The following USP47 variants were observed in gnomAD, a reference collection of about 807,000 sequenced individuals.
The protein encoded by USP47 is ubiquitin carboxyl-terminal hydrolase 47.
In USP47, 35 loss-of-function variants were observed where a neutral mutation model predicts 165.1. The observed-to-expected ratio is 0.21, with a 90% CI of 0.16 to 0.28. The LOEUF (loss-of-function observed/expected upper bound fraction) is 0.28. Ranked by LOEUF, USP47 falls within the 10% of genes least tolerant of loss-of-function variation. The pLI is 1.00. For synonymous variants in USP47, 531 were observed against 544.5 expected, an observed-to-expected ratio of 0.98 and a Z score of 0.35; for missense variants, 1,277 against 1,607.4, an observed-to-expected ratio of 0.79 and a Z score of 3.52.
chr11:11,954,823 G>T, intron 25 of USP47, 74 bp from the exon 26 acceptor site: 1 of 1,516,860 alleles, frequency 6.6e-7, no homozygotes. Flanking sequence ...TCTGTTTGTG[G>T]GGTAAAAGGA....
At chr11:11,955,201 C>G (rs753983725) in intron 27 of USP47, 37 bp downstream of exon 27, 2 of 1,600,444 alleles carry the variant, frequency 1.2e-6, no homozygotes, top group Admixed American at 3.5e-5. Context: ...GTTAGTAATA[C>G]ATTTTTGGCG....
At chr11:11,875,077 G>GTGTGTGTT (rs1850322465) in intron 1 of USP47, among the ~76,000 whole-genome samples, 1 of 74,938 alleles carries the variant, frequency 1.3e-5, no homozygotes, top group Non-Finnish European at 3.0e-5. Context: ...GTGTGTGTGT[G>GTGTGTGTT]TGTGTTTAAA....
chr11:11,885,397 G>C (rs1398454920), intron 3 of USP47, among the ~76,000 whole-genome samples: 1 of 152,104 alleles, frequency 6.6e-6, no homozygotes, highest in Admixed American at 6.5e-5. Context: ...GAAAAGCAGG[G>C]TGGGGCGATG....
At chr11:11,881,655 G>A (rs1481706333) in intron 2 of USP47, among the ~76,000 whole-genome samples, 1 of 151,994 alleles carries the variant, frequency 6.6e-6, no homozygotes, top group East Asian at 1.9e-4. Context: ...GACTTTAGGG[G>A]AGGATTATTG....
chr11:11,902,329 C>T (rs1285548438), intron 5 of USP47, among the ~76,000 whole-genome samples: 5 of 152,046 alleles, frequency 3.3e-5, no homozygotes, highest in Admixed American at 3.3e-4. Context: ...TGTAGTTTTC[C>T]ACAGTTTGGG....
At chr11:11,938,431 A>G (rs1855229780) in intron 18 of USP47, 59 bp downstream of exon 18, 1 of 1,249,280 alleles carries the variant, frequency 8.0e-7, no homozygotes, top group South Asian at 1.3e-5. Flanking sequence ...TACAAGACAC[A>G]CTATGTGACA....
chr11:11,932,497 A>G (rs1854744795), intron 14 of USP47, among the ~76,000 whole-genome samples: 1 of 151,284 alleles, frequency 6.6e-6, no homozygotes, highest in African/African-American at 2.4e-5. Flanking sequence ...AGAACACAGG[A>G]AAGATAATAG....
chr11:11,882,445 A>G lies in USP47; in HGVS notation c.244-2022A>G, dbSNP rs115905502. ...TATTCCATAATATATTTGTTTTTTT[A>G]AAAATATAGAACTAATGTTTTAAAC... On this transcript the variant is annotated intron_variant, in intron 2 of 27. Transcript: ENST00000527733. Among the ~76,000 whole-genome samples, 1,103 of 152,206 alleles carry G rather than the reference A, an allele frequency of 7.2e-3. 11 individuals carry two copies. The highest frequency in any genetic ancestry group is 0.025 in the African/African-American group (1,043 of 41,528).
intron 18 of USP47, among the ~76,000 whole-genome samples, chr11:11,939,980 C>T (rs924758959): frequency 6.6e-6 from 1 of 152,116 alleles, no homozygotes; most frequent in African/African-American, 2.4e-5. Flanking sequence ...CTAATCTTCT[C>T]ATTTTACACA....
At chr11:11,872,527 G>A (rs935560249) in intron 1 of USP47, among the ~76,000 whole-genome samples, 1 of 152,310 alleles carries the variant, frequency 6.6e-6, no homozygotes, top group East Asian at 1.9e-4. Context: ...CTTGAGCAAA[G>A]GAGGTGAGGA....
At chr11:11,906,555 A>G (rs1325896522) in intron 8 of USP47, among the ~76,000 whole-genome samples, 3 of 152,188 alleles carry the variant, frequency 2.0e-5, no homozygotes, top group Non-Finnish European at 4.4e-5. Flanking sequence ...TTATGGAATC[A>G]GTCAATGGAG....
intron 1 of USP47, among the ~76,000 whole-genome samples, chr11:11,875,670 C>T (rs1294803175): frequency 6.6e-6 from 1 of 152,158 alleles, no homozygotes; most frequent in Non-Finnish European, 1.5e-5. Context: ...GTGGCACGAT[C>T]TCAGCTCACT....
At chr11:11,912,427 C>T (rs557523851) in intron 8 of USP47, among the ~76,000 whole-genome samples, 23 of 152,180 alleles carry the variant, frequency 1.5e-4, no homozygotes, top group African/African-American at 5.5e-4. Flanking sequence ...CAACTCTGCA[C>T]ATATAAATTT....
At chr11:11,903,009 C>T (rs756277392) in intron 6 of USP47, 149 bp downstream of exon 6, 39 of 906,668 alleles carry the variant, frequency 4.3e-5, no homozygotes, top group Non-Finnish European at 6.1e-5. Context: ...CATTTCATAA[C>T]TCTACAATGA....
At chr11:11,879,205 A>G (rs1178840393) in intron 1 of USP47, among the ~76,000 whole-genome samples, 1 of 152,194 alleles carries the variant, frequency 6.6e-6, no homozygotes, top group Non-Finnish European at 1.5e-5. Flanking sequence ...TTATTGCTGC[A>G]GGCAAGAATA....
chr11:11,844,774 AT>A (rs1848334186), intron 1 of USP47, among the ~76,000 whole-genome samples: 1 of 151,300 alleles, frequency 6.6e-6, no homozygotes, highest in South Asian at 2.1e-4. Flanking sequence ...CCCCTGCTAG[AT>A]TTAGATCTTG....
intron 3 of USP47, among the ~76,000 whole-genome samples, chr11:11,888,148 A>G (rs1221579319): frequency 6.6e-6 from 1 of 152,188 alleles, no homozygotes; most frequent in Non-Finnish European, 1.5e-5. Context: ...ATTACAACTA[A>G]AAGAACTAGA....
intron 1 of USP47, among the ~76,000 whole-genome samples, chr11:11,857,207 A>G (rs978546597): frequency 6.6e-6 from 1 of 152,152 alleles, no homozygotes; most frequent in Non-Finnish European, 1.5e-5. Context: ...TAAATAAGCT[A>G]TCAATGAATT....
intron 11 of USP47, among the ~76,000 whole-genome samples, chr11:11,923,456 A>G (rs1590387246): frequency 6.6e-6 from 1 of 152,190 alleles, no homozygotes; most frequent in African/African-American, 2.4e-5. Context: ...GTATAGTTCT[A>G]TGGATTATCA....
Sources: allele counts gnomAD v4.1 joint callset (sites outside exome capture counted in the v4.1 genomes callset), GRCh38; gene constraint gnomAD v4.1.1; transcripts MANE v1.5; gene names NCBI Gene and HGNC (gene_info 2026-07-23, HGNC 2026-07-21).